CTNNB1: variants seen among roughly 807,000 people sequenced by gnomAD.
CTNNB1 encodes catenin beta 1.
CTNNB1 carries 6 observed loss-of-function variants against 82.5 expected under a neutral mutation model. The ratio of observed to expected loss-of-function variants is 0.07; its 90% CI spans 0.04 to 0.14. The LOEUF is 0.14. CTNNB1 is among the 10% of genes least tolerant of loss of function. CTNNB1 has a pLI of 1.00. For missense variants in CTNNB1, 529 were observed against 980.4 expected, an observed-to-expected ratio of 0.54 and a Z score of 6.15; for synonymous variants, 312 against 329.7, an observed-to-expected ratio of 0.95 and a Z score of 0.58.
intron 7 of CTNNB1, among the ~76,000 whole-genome samples, chr3:41,230,884 A>G (rs2078291669): frequency 6.6e-6 from 1 of 152,240 alleles, no homozygotes; most frequent in African/African-American, 2.4e-5. Flanking sequence ...CACCAAATAC[A>G]CTAATGATAG....
rs2077474930 is a variant in CTNNB1 at position 41,199,617 on chromosome 3, C to G, written c.-102C>G. ...AGCTTCAGTCCCCGCCGAGCCGCCA[C>G]CGCAGGTCGAGGACGGTCGGACTCC... On this transcript the variant is annotated 5_prime_UTR_variant, in exon 1 of 15. Coordinates refer to ENST00000349496, the MANE Select transcript of CTNNB1 (RefSeq NM_001904.4). 1 of 152,430 alleles carries G rather than the reference C, an allele frequency of 6.6e-6. No individual in the cohort carries two copies. The allele number at this position is 152,430 out of a possible 1,614,324, so 9.4% of individuals were successfully genotyped here.
At chr3:41,232,457 T>TA (rs969273796) in intron 7 of CTNNB1, among the ~76,000 whole-genome samples, 3 of 151,824 alleles carry the variant, frequency 2.0e-5, no homozygotes, top group African/African-American at 7.3e-5. Flanking sequence ...CCATAAGAAT[T>TA]ACAGCAGATA....
intron 7 of CTNNB1, among the ~76,000 whole-genome samples, chr3:41,232,502 A>G (rs988399926): frequency 1.2e-4 from 19 of 152,266 alleles, no homozygotes; most frequent in African/African-American, 4.6e-4. Flanking sequence ...GACCCGAAAG[A>G]TGAAGGAGAC....
At chr3:41,202,092 A>G (rs1243253241) in intron 1 of CTNNB1, among the ~76,000 whole-genome samples, 1 of 152,232 alleles carries the variant, frequency 6.6e-6, no homozygotes, top group Non-Finnish European at 1.5e-5. Context: ...AAAAGTTTGA[A>G]TATAATTATT....
Position 41,236,390 on chromosome 3 carries a change from A to C in CTNNB1, c.1845A>C (p.Ala615=), listed in dbSNP as rs2078435222. 2.5e-6 allele frequency: 4 copies of C among 1,614,196 alleles called. No homozygotes were observed. The highest frequency in any genetic ancestry group is 3.4e-6 in the Non-Finnish European group (4 of 1,180,024). ...SPIENIQRVA[A]GVLCELAQDK... ...TTGAAAACATCCAAAGAGTAGCTGC[A>C]GGGGTCCTCTGTGAACTTGCTCAGG... Residue 615 remains alanine (A), a synonymous_variant, in exon 12 of 15, where the codon GCA becomes GCC. Transcript: ENST00000349496.
chr3:41,234,340 T>G (rs1486842194), intron 10 of CTNNB1, 43 bp downstream of exon 10: 1 of 1,604,662 alleles, frequency 6.2e-7, no homozygotes, highest in Non-Finnish European at 8.5e-7. Context: ...CTAAAAGGAA[T>G]GCATAAATCC....
chr3:41,205,224 C>T (rs1188854390), intron 1 of CTNNB1, among the ~76,000 whole-genome samples: 2 of 152,116 alleles, frequency 1.3e-5, no homozygotes, highest in African/African-American at 4.8e-5. Flanking sequence ...GTTTGCATTT[C>T]TAAGCTAAAC....
intron 7 of CTNNB1, among the ~76,000 whole-genome samples, chr3:41,229,954 A>T (rs1028584130): frequency 2.0e-5 from 3 of 151,366 alleles, no homozygotes; most frequent in Non-Finnish European, 4.4e-5. Context: ...TTCTCCTTTC[A>T]GTAACCCACC....
chr3:41,223,022 G>A (rs942390779), intron 1 of CTNNB1, among the ~76,000 whole-genome samples: 1 of 152,062 alleles, frequency 6.6e-6, no homozygotes, highest in Non-Finnish European at 1.5e-5. Context: ...AGTGAGCCCA[G>A]TATGCACCTC....
At chr3:41,211,466 G>A (rs1325059876) in intron 1 of CTNNB1, among the ~76,000 whole-genome samples, 3 of 152,068 alleles carry the variant, frequency 2.0e-5, no homozygotes, top group Middle Eastern at 3.2e-3. Flanking sequence ...TGAAGTTTGG[G>A]ATACAGTTGA....
chr3:41,214,143 A>G (rs977241369), intron 1 of CTNNB1, among the ~76,000 whole-genome samples: 1 of 152,206 alleles, frequency 6.6e-6, no homozygotes, highest in South Asian at 2.1e-4. Context: ...GATGGCACAC[A>G]TGAAGTTTGG....
chr3:41,221,749 C>T (rs934776157), intron 1 of CTNNB1: 1 of 152,104 alleles, frequency 6.6e-6, no homozygotes, highest in Non-Finnish European at 1.5e-5. Flanking sequence ...CATGATTGTA[C>T]TTCATAATTT....
rs11564440 is a variant in CTNNB1, at chr3:41,216,625, G to A, written c.-48-7396G>A. Among the ~76,000 whole-genome samples the A allele has an allele frequency of 2.6e-5, 4 of 152,286 alleles. No individual in the cohort carries two copies. The East Asian group carries it at 7.7e-4, about 29-fold the overall frequency. On this transcript the variant is annotated intron_variant, in intron 1 of 14. Coordinates refer to ENST00000349496, the MANE Select transcript of CTNNB1 (RefSeq NM_001904.4). ...AGTTGCCACATTTCTTTTGTACAAA[G>A]TCCATTTCATAGGCCATCTAGCTTT...
rs2125623705 is a variant in CTNNB1 at position 41,225,596 on chromosome 3, T to C, written c.734+24T>C. ...GGGTAAGAAAACATGTCAGAATGCT[T>C]GAAGCTAAAAAGTAGAAGAGTATAC... On this transcript the variant is annotated intron_variant, in intron 5 of 14. Transcript: ENST00000349496. The surrounding 1 kb of genome is among the most constrained non-coding windows in gnomAD (Gnocchi z 5.3). 1 of 1,614,056 alleles carries C rather than the reference T, an allele frequency of 6.2e-7. No individual in the cohort carries two copies.
chr3:41,239,647 T>C lies in CTNNB1; in HGVS notation c.*305T>C. ...TTTTAAACATTAATAGCAGCCTTTC[T>C]CTCTTTATACAGCTGTATTGTCTGA... On this transcript the variant is annotated 3_prime_UTR_variant, in exon 15 of 15. Coordinates refer to ENST00000349496, the MANE Select transcript of CTNNB1 (RefSeq NM_001904.4). 1 of 469,048 alleles carries C rather than the reference T, an allele frequency of 2.1e-6. No homozygotes were observed. 29.1% of individuals were successfully genotyped at this position (469,048 alleles called of 1,614,324 possible). A position where few individuals can be genotyped will look rare whatever the true frequency, so the allele number is the denominator to read the frequency against.
Position 41,236,691 on chromosome 3 carries a change from G to A in CTNNB1, c.2058G>A (p.Glu686=), listed in dbSNP as rs746497207. ...TGACCAGCTCTCTCTTCAGAACAGA[G>A]CCAATGGCTTGGAATGAGGTAGGGA... The part of the protein sequence containing the change: ...VELTSSLFRT[E]PMAWNETADL... The change falls in exon 13 of 15, where the codon GAG becomes GAA. Residue 686 remains glutamate, a synonymous_variant. Transcript: ENST00000349496. 52 of 1,614,048 alleles carry A rather than the reference G, an allele frequency of 3.2e-5. No homozygotes were observed. Among genetic ancestry groups the A allele is most frequent in the Admixed American group, 8.3e-5 (5 of 60,016 alleles).
intron 7 of CTNNB1, 25 bp from the exon 8 acceptor site, chr3:41,233,316 C>T (rs2078355397): frequency 1.3e-6 from 2 of 1,594,362 alleles, no homozygotes; most frequent in Non-Finnish European, 1.7e-6. Flanking sequence ...ATGACTAGGG[C>T]CTTATATCCT....
At position 41,225,116 on chromosome 3, in the gene CTNNB1, C is replaced by T. The variant is rs2125620683; in HGVS notation, c.404C>T (p.Ala135Val). The change falls in exon 4 of 15, where the codon GCA becomes GTA. Residue 135 changes from alanine (A) to valine (V), a missense_variant. Transcript: ENST00000349496. This position sits in a 1 kb window ranked among gnomAD's most constrained non-coding sequence, Gnocchi z 5.3. Reference protein sequence around the residue: ...LAEPSQMLKHAVVNLINYQDD... With the variant: ...LAEPSQMLKHVVVNLINYQDD... ...GAACCATCACAGATGCTGAAACATGCAGTTGTAAACTTGATTAACTATCAA... is the reference window on the plus strand; with the variant it reads ...GAACCATCACAGATGCTGAAACATGTAGTTGTAAACTTGATTAACTATCAA... 6.2e-7 allele frequency: 1 copy of T among 1,614,076 alleles called. No homozygotes were observed. Among genetic ancestry groups the T allele is most frequent in the Non-Finnish European group, 8.5e-7 (1 of 1,179,996 alleles).
Position 41,239,477 on chromosome 3 carries a change from G to A in CTNNB1, c.*135G>A, listed in dbSNP as rs2078521790. ...ATTTGTAAATCTGCCACAAAAACAG[G>A]TATATACTTTGAAAGGAGATGTCTT... On this transcript the variant is annotated 3_prime_UTR_variant, in exon 15 of 15. Coordinates refer to ENST00000349496, the MANE Select transcript of CTNNB1 (RefSeq NM_001904.4). 6.7e-6 allele frequency: 5 copies of A among 742,066 alleles called. No homozygotes were observed. The highest frequency in any genetic ancestry group is 4.7e-5 in the South Asian group (3 of 64,394). The allele number at this position is 742,066 out of a possible 1,614,324, so 46.0% of individuals were successfully genotyped here.
Sources: gnomAD v4.1 joint callset for allele counts (sites outside exome capture counted in the v4.1 genomes callset) on GRCh38, gnomAD v4.1.1 for gene constraint, Gnocchi (gnomAD v3.1) non-coding constraint, MANE v1.5 for transcripts, NCBI Gene and HGNC (gene_info 2026-07-23, HGNC 2026-07-21) for gene names.